CYSLTR2: variants seen among roughly 807,000 people sequenced by gnomAD.
The protein encoded by CYSLTR2 is cysteinyl leukotriene receptor 2.
For synonymous variants in CYSLTR2, 179 were observed against 160.8 expected, an observed-to-expected ratio of 1.11 and a Z score of -0.86; for missense variants, 398 against 411.9, an observed-to-expected ratio of 0.97 and a Z score of 0.29.
At chr13:48,678,336 A>G (rs1481017764) in intron 1 of CYSLTR2, among the ~76,000 whole-genome samples, 1 of 151,458 alleles carries the variant, frequency 6.6e-6, no homozygotes, top group Non-Finnish European at 1.5e-5. Context: ...CCCATTGAAC[A>G]CTCACTTCTC....
chr13:48,695,998 T>A (rs560949893), intron 3 of CYSLTR2, among the ~76,000 whole-genome samples: 11 of 152,386 alleles, frequency 7.2e-5, no homozygotes, highest in African/African-American at 2.6e-4. Flanking sequence ...TTTTCCAGAA[T>A]GACCGTATCA....
chr13:48,701,377 T>C (rs879196854), intron 4 of CYSLTR2, among the ~76,000 whole-genome samples: 1 of 152,160 alleles, frequency 6.6e-6, no homozygotes, highest in Non-Finnish European at 1.5e-5. Flanking sequence ...AAACAAGCAA[T>C]GGGGAAAGGA....
At chr13:48,660,208 C>T (rs191822477) in intron 1 of CYSLTR2, among the ~76,000 whole-genome samples, 20 of 152,208 alleles carry the variant, frequency 1.3e-4, no homozygotes, top group Admixed American at 1.1e-3. Flanking sequence ...TGCTGTACAT[C>T]TTGTTCTTGA....
At chr13:48,678,837 C>A (rs1450713711) in intron 1 of CYSLTR2, among the ~76,000 whole-genome samples, 2 of 152,096 alleles carry the variant, frequency 1.3e-5, no homozygotes, top group African/African-American at 4.8e-5. Context: ...GTTCTCACTC[C>A]TTTATAGCTC....
chr13:48,683,344 A>C (rs911778175), intron 1 of CYSLTR2, among the ~76,000 whole-genome samples: 14 of 152,182 alleles, frequency 9.2e-5, no homozygotes, highest in African/African-American at 3.4e-4. Context: ...ACACTCTCAC[A>C]AACAGTGTAT....
chr13:48,709,404 TGACA>T lies in CYSLTR2; in HGVS notation c.*1554_*1557del, dbSNP rs537337477. 342 of 166,952 alleles carry T rather than the reference TGACA, an allele frequency of 2.0e-3. 2 individuals carry two copies. The highest frequency in any genetic ancestry group is 0.015 in the Admixed American group (225 of 15,296). 10.3% of individuals were successfully genotyped at this position (166,952 alleles called of 1,614,324 possible). On this transcript the variant is annotated 3_prime_UTR_variant, in exon 5 of 5. Transcript: ENST00000682523. ...TTTCCTTATTTAGCTACCAGAATGA[TGACA>T]GACAGACTCAAACCCTGTCAAGACA... is the stretch of plus-strand genomic sequence containing the variant.
chr13:48,662,566 C>A (rs1251547431), intron 1 of CYSLTR2, among the ~76,000 whole-genome samples: 2 of 152,088 alleles, frequency 1.3e-5, no homozygotes, highest in African/African-American at 4.8e-5. Context: ...TGAGATGATA[C>A]CTCATCGTGG....
chr13:48,667,834 G>A (rs1295401633), intron 1 of CYSLTR2, among the ~76,000 whole-genome samples: 1 of 152,206 alleles, frequency 6.6e-6, no homozygotes, highest in East Asian at 1.9e-4. Flanking sequence ...ATTGTGGGAA[G>A]AGCTGCAGAT....
At chr13:48,672,274 C>G (rs991436354) in intron 1 of CYSLTR2, among the ~76,000 whole-genome samples, 5 of 152,026 alleles carry the variant, frequency 3.3e-5, no homozygotes, top group Non-Finnish European at 7.4e-5. Context: ...GTGTCTCTAT[C>G]TCTTTCAGTT....
intron 2 of CYSLTR2, among the ~76,000 whole-genome samples, chr13:48,692,699 A>G (rs1033312976): frequency 1.3e-5 from 2 of 151,272 alleles, no homozygotes; most frequent in South Asian, 2.1e-4. Context: ...ATCTTTAATC[A>G]AAGTAATCAA....
rs1312272917 is a variant in CYSLTR2 at position 48,707,955 on chromosome 13, T to C, written c.*97T>C. 1 of 1,010,314 alleles carries C rather than the reference T, an allele frequency of 9.9e-7. No individual in the cohort carries two copies. The highest frequency in any genetic ancestry group is 1.6e-5 in the African/African-American group (1 of 61,718). 62.6% of individuals were successfully genotyped at this position (1,010,314 alleles called of 1,614,324 possible). ...TTGTATTTACATCACTCCCAACAAA[T>C]GTTGATTCTTAATATTTAGTTGACC... On this transcript the variant is annotated 3_prime_UTR_variant, in exon 5 of 5. Coordinates refer to ENST00000682523, the MANE Select transcript of CYSLTR2 (RefSeq NM_001308476.3).
intron 1 of CYSLTR2, among the ~76,000 whole-genome samples, chr13:48,689,939 G>A (rs951764374): frequency 5.9e-5 from 9 of 152,040 alleles, no homozygotes; most frequent in Non-Finnish European, 1.3e-4. Flanking sequence ...CTTGAGCAGT[G>A]GTTTGTAGTT....
chr13:48,690,327 T>C (rs182185029), intron 1 of CYSLTR2, among the ~76,000 whole-genome samples: 11 of 152,180 alleles, frequency 7.2e-5, no homozygotes, highest in Non-Finnish European at 1.5e-4. Context: ...CCTTGTCTTA[T>C]GTGTATTTTC....
chr13:48,656,036 C>T (rs1952989330), intron 1 of CYSLTR2, among the ~76,000 whole-genome samples: 1 of 151,950 alleles, frequency 6.6e-6, no homozygotes. Flanking sequence ...TAAGTGTGCT[C>T]ATTTTTGTTC....
chr13:48,666,240 T>C (rs1384791842), intron 1 of CYSLTR2, among the ~76,000 whole-genome samples: 1 of 152,186 alleles, frequency 6.6e-6, no homozygotes, highest in Non-Finnish European at 1.5e-5. Context: ...TCTCTTGACC[T>C]CTAAGGTTTC....
At chr13:48,684,385 C>T (rs771937973) in intron 1 of CYSLTR2, among the ~76,000 whole-genome samples, 5 of 151,538 alleles carry the variant, frequency 3.3e-5, no homozygotes, top group Non-Finnish European at 5.9e-5. Context: ...CTCTCACATT[C>T]CCATAAGGTA....
At chr13:48,675,415 C>A (rs1275024374) in intron 1 of CYSLTR2, among the ~76,000 whole-genome samples, 2 of 152,168 alleles carry the variant, frequency 1.3e-5, no homozygotes, top group Non-Finnish European at 2.9e-5. Context: ...CCAGTTCGAA[C>A]TTCCTGTCAG....
At chr13:48,661,328 C>A (rs780577264) in intron 1 of CYSLTR2, among the ~76,000 whole-genome samples, 1 of 152,014 alleles carries the variant, frequency 6.6e-6, no homozygotes, top group African/African-American at 2.4e-5. Flanking sequence ...AGAGGTAGTC[C>A]GTGAACAAAT....
intron 1 of CYSLTR2, among the ~76,000 whole-genome samples, chr13:48,657,000 C>T (rs1464412181): frequency 6.6e-6 from 1 of 152,224 alleles, no homozygotes; most frequent in African/African-American, 2.4e-5. Context: ...ACTGCAGTTA[C>T]TTATGTACAG....
Sources: gnomAD v4.1 joint callset for allele counts (sites outside exome capture counted in the v4.1 genomes callset) on GRCh38, gnomAD v4.1.1 for gene constraint, MANE v1.5 for transcripts, NCBI Gene and HGNC (gene_info 2026-07-23, HGNC 2026-07-21) for gene names.